Variants in ROBO1 observed in about 807,000 individuals in gnomAD.
ROBO1 encodes the protein roundabout guidance receptor 1.
A neutral mutation model predicts 195.9 loss-of-function variants in ROBO1; 149 were observed. The ratio of observed to expected loss-of-function variants is 0.76; its 90% CI spans 0.67 to 0.87. The LOEUF is 0.87. Ranked by LOEUF, ROBO1 falls within the 40% of genes least tolerant of loss-of-function variation. ROBO1 has a pLI of 0.00. For missense variants in ROBO1, 1,933 were observed against 2,068.3 expected (o/e 0.93, Z 1.27); for synonymous variants, 816 against 733.2 (o/e 1.11, Z -1.82).
chr3:78,671,212 G>C lies in ROBO1; in HGVS notation c.1343-911C>G, dbSNP rs139320417. ...GAAGTCTTTTTTAGGGGAAAACATA[G>C]AACAACTGTGTTGGAACTAGAATAA... On this transcript the variant is annotated intron_variant, in intron 10 of 30. Coordinates refer to ENST00000464233, the MANE Select transcript of ROBO1 (RefSeq NM_002941.4). Among the ~76,000 whole-genome samples, 803 of 151,830 alleles carry C rather than the reference G, an allele frequency of 5.3e-3. 4 individuals are homozygous for C. Among genetic ancestry groups the C allele is most frequent in the Admixed American group, 0.01 (158 of 15,232 alleles).
chr3:79,488,511 A>G (rs536504624), intron 2 of ROBO1, among the ~76,000 whole-genome samples: 2 of 152,304 alleles, frequency 1.3e-5, no homozygotes, highest in Admixed American at 1.3e-4. Context: ...GCCATATGTC[A>G]TAATTTCCAG....
intron 2 of ROBO1, among the ~76,000 whole-genome samples, chr3:79,460,030 A>C (rs2039754276): frequency 6.6e-6 from 1 of 152,162 alleles, no homozygotes; most frequent in Admixed American, 6.5e-5. Flanking sequence ...CAGAAAAAAT[A>C]AAACAAAGCA....
At chr3:78,958,796 ATG>A (rs1446766404) in intron 3 of ROBO1, among the ~76,000 whole-genome samples, 3 of 150,010 alleles carry the variant, frequency 2.0e-5, no homozygotes, top group Non-Finnish European at 4.4e-5. Context: ...GTAAACCAGG[ATG>A]CTTGGTCACC....
At chr3:79,018,697 C>T in intron 3 of ROBO1, 1 of 1,344,234 alleles carries the variant, frequency 7.4e-7, no homozygotes. Context: ...CCAGGATTTC[C>T]GAGGAGGCTC....
chr3:78,963,864 T>TA lies in ROBO1; in HGVS notation c.173-24938dup, dbSNP rs1346743351. Among the ~76,000 whole-genome samples, 7 of 152,210 alleles carry TA rather than the reference T, an allele frequency of 4.6e-5. No individual in the cohort carries two copies. The South Asian group carries it at 1.2e-3, about 27-fold the overall frequency. On this transcript the variant is annotated intron_variant, in intron 3 of 30. Coordinates refer to ENST00000464233, the MANE Select transcript of ROBO1 (RefSeq NM_002941.4). ...CATGAATATACAACAAATTTTAAAATAAAAAACAAAATAGTGAATGTATTA... is the reference window on the plus strand; with the variant it reads ...CATGAATATACAACAAATTTTAAAATAAAAAAACAAAATAGTGAATGTATTA...
chr3:79,257,722 T>A (rs540727365), intron 2 of ROBO1, among the ~76,000 whole-genome samples: 2 of 152,218 alleles, frequency 1.3e-5, no homozygotes, highest in South Asian at 4.2e-4. Context: ...TTCCCCAAGG[T>A]CATGTGGCAA....
chr3:79,045,495 G>C (rs2078574035), intron 3 of ROBO1, among the ~76,000 whole-genome samples: 1 of 151,910 alleles, frequency 6.6e-6, no homozygotes, highest in South Asian at 2.1e-4. Context: ...TATATGGAGA[G>C]ACGATATAGA....
intron 2 of ROBO1, among the ~76,000 whole-genome samples, chr3:79,409,917 C>T (rs1258476046): frequency 6.6e-6 from 1 of 151,918 alleles, no homozygotes; most frequent in Non-Finnish European, 1.5e-5. Flanking sequence ...AATTTTTTTT[C>T]CAAGCATTAT....
chr3:79,135,578 A>C (rs1329184899), intron 2 of ROBO1, among the ~76,000 whole-genome samples: 1 of 152,224 alleles, frequency 6.6e-6, no homozygotes, highest in Non-Finnish European at 1.5e-5. Flanking sequence ...GGTTGAATAA[A>C]AACTATCTTG....
In ROBO1 at chr3:79,321,499, A is replaced by G. The variant is rs573078238; in HGVS notation, c.89-195960T>C. The stretch of plus-strand genomic sequence containing the variant: ...AGGATACTATATATGTACACACTCA[A>G]TACAAACTCAATACACATTAGTTCC... On this transcript the variant is annotated intron_variant, in intron 2 of 30. Coordinates refer to ENST00000464233, the MANE Select transcript of ROBO1 (RefSeq NM_002941.4). 3.3e-5 allele frequency among the ~76,000 whole-genome samples: 5 copies of G among 152,326 alleles called. No homozygotes were observed. The South Asian group carries it at 1.0e-3, about 32-fold the overall frequency.
At chr3:79,429,906 GATT>G (rs889313088) in intron 2 of ROBO1, among the ~76,000 whole-genome samples, 14 of 151,818 alleles carry the variant, frequency 9.2e-5, no homozygotes, top group South Asian at 2.1e-4. Flanking sequence ...AGATATGTCT[GATT>G]ATTATTATTA....
intron 2 of ROBO1, among the ~76,000 whole-genome samples, chr3:79,390,734 G>A (rs924133753): frequency 3.3e-5 from 5 of 152,092 alleles, no homozygotes; most frequent in Admixed American, 3.3e-4. Flanking sequence ...AGTCTGAGGA[G>A]ATAGAGGAGA....
At chr3:79,086,863 C>T (rs1559648920) in intron 3 of ROBO1, among the ~76,000 whole-genome samples, 1 of 152,036 alleles carries the variant, frequency 6.6e-6, no homozygotes, top group East Asian at 1.9e-4. Flanking sequence ...ATTTATAAAA[C>T]TCCTTTATGA....
At chr3:78,635,687 G>T in intron 23 of ROBO1, 86 bp downstream of exon 23, 1 of 1,159,974 alleles carries the variant, frequency 8.6e-7, no homozygotes, top group Non-Finnish European at 1.2e-6. Context: ...GATTTTACTT[G>T]CTAGTCGCAG....
At chr3:78,890,925 C>T (rs539996957) in intron 4 of ROBO1, among the ~76,000 whole-genome samples, 17 of 152,262 alleles carry the variant, frequency 1.1e-4, no homozygotes, top group Admixed American at 7.9e-4. Flanking sequence ...CCACGCCCAA[C>T]TAATGTTTTT....
intron 2 of ROBO1, among the ~76,000 whole-genome samples, chr3:79,374,176 T>C (rs969605709): frequency 6.6e-6 from 1 of 152,174 alleles, no homozygotes; most frequent in Non-Finnish European, 1.5e-5. Context: ...TCCTTTAGTG[T>C]ATAGAGGCTG....
intron 4 of ROBO1, among the ~76,000 whole-genome samples, chr3:78,872,904 G>C (rs1164946432): frequency 6.6e-6 from 1 of 152,086 alleles, no homozygotes; most frequent in East Asian, 1.9e-4. Context: ...AAGTAGTAAG[G>C]GTGTTTCAAA....
At position 78,884,645 on chromosome 3, in the gene ROBO1, A is replaced by AAG. The variant is rs377564425; in HGVS notation, c.499+53954_499+53955dup. ...AGAGAGAAAGAAAGAGAAAGAAAGAAAGAAAGGAAGGAAGGAAGGAAGGAA... is the reference window on the plus strand; with the variant it reads ...AGAGAGAAAGAAAGAGAAAGAAAGAAAGAGAAAGGAAGGAAGGAAGGAAGGAA... On this transcript the variant is annotated intron_variant, in intron 4 of 30. Transcript: ENST00000464233. Among the ~76,000 whole-genome samples the AAG allele has an allele frequency of 8.6e-3, 599 of 69,682 alleles. 3 individuals carry two copies. Among genetic ancestry groups the AAG allele is most frequent in the South Asian group, 0.012 (27 of 2,232 alleles). 45.7% of individuals were successfully genotyped at this position (69,682 alleles called of 152,430 possible). A position where few individuals can be genotyped will look rare whatever the true frequency, so the allele number is the denominator to read the frequency against.
chr3:78,984,076 T>TA (rs1267312298), intron 3 of ROBO1, among the ~76,000 whole-genome samples: 1 of 152,112 alleles, frequency 6.6e-6, no homozygotes. Flanking sequence ...AAGAATAATA[T>TA]AAAAAAACTT....
Sources: allele counts gnomAD v4.1 joint callset (sites outside exome capture counted in the v4.1 genomes callset), GRCh38; gene constraint gnomAD v4.1.1; transcripts MANE v1.5; gene names NCBI Gene and HGNC (gene_info 2026-07-23, HGNC 2026-07-21).